Variants in C10orf105 observed in about 807,000 individuals in gnomAD.
C10orf105 encodes uncharacterized protein C10orf105.
In C10orf105, 2 loss-of-function variants were observed where a neutral mutation model predicts 0.6. That is an observed-to-expected ratio of 3.18 (90% CI 1.30 to 10.01). The LOEUF (loss-of-function observed/expected upper bound fraction) is 10.01. Among genes scored for constraint, C10orf105 ranks in the 30% most tolerant of loss-of-function variants. The probability of loss-of-function intolerance (pLI) is 0.04; values close to 1 mark genes in which losing one functional copy is unlikely to be tolerated. For synonymous variants in C10orf105, 95 were observed against 82.4 expected (o/e 1.15, Z -0.83); for missense variants, 209 against 191.4 (o/e 1.09, Z -0.54).
At chr10:71,729,202 A>C (rs1866950109) in intron 1 of C10orf105, among the ~76,000 whole-genome samples, 1 of 152,238 alleles carries the variant, frequency 6.6e-6, no homozygotes, top group African/African-American at 2.4e-5. Context: ...AAGAGAACTT[A>C]GTGCTGGTAA....
At chr10:71,729,390 G>A (rs1866960956) in intron 1 of C10orf105, among the ~76,000 whole-genome samples, 1 of 152,326 alleles carries the variant, frequency 6.6e-6, no homozygotes, top group African/African-American at 2.4e-5. Context: ...AAAGTGTCAT[G>A]GAGGGAGCTA....
intron 1 of C10orf105, chr10:71,717,268 G>A (rs138750640): frequency 6.6e-6 from 1 of 152,220 alleles, no homozygotes; most frequent in Non-Finnish European, 1.5e-5. Flanking sequence ...TTGGTGGTGG[G>A]AAGGCCAAGG....
At chr10:71,723,772 C>T (rs1866676655), upstream of C10orf105, among the ~76,000 whole-genome samples, 1 of 152,192 alleles carries the variant, frequency 6.6e-6, no homozygotes, top group Non-Finnish European at 1.5e-5. Context: ...CATCTTTCAC[C>T]TTCTCCCCCA....
In C10orf105 at chr10:71,714,435, A is replaced by C. The variant is rs1462582757; in HGVS notation, c.*1501T>G. On this transcript the variant is annotated 3_prime_UTR_variant, in exon 2 of 2. Coordinates refer to ENST00000441508, the MANE Select transcript of C10orf105 (RefSeq NM_001164375.3). ...CCCAAGCTGGTAGGAAAGAGAAGACATAGACAAAAAGGACCCATGCTGCCA... is the reference window on the plus strand; with the variant it reads ...CCCAAGCTGGTAGGAAAGAGAAGACCTAGACAAAAAGGACCCATGCTGCCA... 6.6e-6 allele frequency: 1 copy of C among 152,280 alleles called. No individual in the cohort carries two copies. Among genetic ancestry groups the C allele is most frequent in the East Asian group, 1.9e-4 (1 of 5,202 alleles). 9.4% of individuals were successfully genotyped at this position (152,280 alleles called of 1,614,324 possible). A position where few individuals can be genotyped will look rare whatever the true frequency, so the allele number is the denominator to read the frequency against.
chr10:71,729,589 G>A (rs370742159), intron 1 of C10orf105, among the ~76,000 whole-genome samples: 1 of 152,168 alleles, frequency 6.6e-6, no homozygotes, highest in East Asian at 1.9e-4. Flanking sequence ...AGTGGGGTGG[G>A]GTTGGTCTTC....
At position 71,716,086 on chromosome 10, in the gene C10orf105, C is replaced by T. The variant is rs1332978234; in HGVS notation, c.252G>A (p.Glu84=). ...GGCGCTTCCAGAGCCGGAGCTGGGG[C>T]TCACTGGGGCTCCCAGGGTGGTGGG... ...CMPHHPGSPS[E]PQLRLWKRLG... The change falls in exon 2 of 2, where the codon GAG becomes GAA. Residue 84 remains glutamate, a synonymous_variant. Transcript: ENST00000441508. 8 of 1,528,354 alleles carry T rather than the reference C, an allele frequency of 5.2e-6. No homozygotes were observed. Among genetic ancestry groups the T allele is most frequent in the Non-Finnish European group, 7.1e-6 (8 of 1,134,306 alleles). The allele number at this position is 1,528,354 out of a possible 1,614,324, so 94.7% of individuals were successfully genotyped here.
intron 1 of C10orf105, among the ~76,000 whole-genome samples, chr10:71,731,381 AT>A (rs1839380428): frequency 6.6e-6 from 1 of 152,144 alleles, no homozygotes; most frequent in East Asian, 1.9e-4. Context: ...ATGGCTGCAA[AT>A]TCTCAGGCGG....
Sources: allele counts gnomAD v4.1 joint callset (sites outside exome capture counted in the v4.1 genomes callset), GRCh38; gene constraint gnomAD v4.1.1; transcripts MANE v1.5; gene names NCBI Gene and HGNC (gene_info 2026-07-23, HGNC 2026-07-21).